MANSC1: variants seen among roughly 807,000 people sequenced by gnomAD.
The protein encoded by MANSC1 is MANSC domain containing 1.
Under a neutral mutation model 14.1 loss-of-function variants are expected in MANSC1, and 13 were observed. The observed-to-expected ratio is 0.92, with a 90% confidence interval of 0.60 to 1.46. The LOEUF (loss-of-function observed/expected upper bound fraction) is 1.46. Among genes scored for constraint, MANSC1 ranks in the 40% most tolerant of loss-of-function variants. The pLI, the probability that MANSC1 is intolerant of heterozygous loss-of-function variation, is 0.00. For synonymous variants in MANSC1, 227 were observed against 200.7 expected, an observed-to-expected ratio of 1.13 and a Z score of -1.11; for missense variants, 486 against 511.4, an observed-to-expected ratio of 0.95 and a Z score of 0.48.
intron 3 of MANSC1, among the ~76,000 whole-genome samples, chr12:12,337,492 C>T (rs1194573651): frequency 1.4e-5 from 2 of 141,648 alleles, no homozygotes; most frequent in East Asian, 2.2e-4. Flanking sequence ...ACCCGGGAGG[C>T]GGAGCTTGCA....
intron 3 of MANSC1, among the ~76,000 whole-genome samples, chr12:12,335,347 T>TTC (rs1371245701): frequency 6.6e-6 from 1 of 151,506 alleles, no homozygotes; most frequent in Non-Finnish European, 1.5e-5. Context: ...ACCTTTTTTT[T>TTC]TTCTTCTCCC....
intron 3 of MANSC1, among the ~76,000 whole-genome samples, chr12:12,334,493 A>C (rs1862832362): frequency 6.6e-6 from 1 of 152,150 alleles, no homozygotes; most frequent in Non-Finnish European, 1.5e-5. Context: ...TGTAGATATA[A>C]ACAGTCCTTT....
Position 12,330,203 on chromosome 12 carries a change from C to T in MANSC1, c.1120G>A (p.Glu374Lys). Residue 374 changes from glutamate to lysine, a missense_variant, in exon 4 of 4, where the codon GAA (glutamate) becomes AAA (lysine). Coordinates refer to ENST00000535902, the MANE Select transcript of MANSC1 (RefSeq NM_018050.4). ...TCAAATGGAAGGCCGTACTGATTTT[C>T]TGGAACACTGCCCTGGGAGGAACTG... ...PGSSSQGSVP[E>K]NQYGLPFEKW... 1 of 1,614,194 alleles carries T rather than the reference C, an allele frequency of 6.2e-7. No homozygotes were observed. Among genetic ancestry groups the T allele is most frequent in the East Asian group, 2.2e-5 (1 of 44,888 alleles).
At chr12:12,339,239 C>T (rs1862902835) in intron 2 of MANSC1, 1 of 153,952 alleles carries the variant, frequency 6.5e-6, no homozygotes, top group Non-Finnish European at 1.4e-5. Flanking sequence ...ATGTTGCCTA[C>T]AAAACTGGGA....
chr12:12,339,428 G>A (rs757944131), intron 2 of MANSC1, among the ~76,000 whole-genome samples: 2 of 151,998 alleles, frequency 1.3e-5, no homozygotes, highest in African/African-American at 2.4e-5. Flanking sequence ...CACCACACTC[G>A]GATTTTTTTT....
intron 2 of MANSC1, among the ~76,000 whole-genome samples, chr12:12,341,167 T>G (rs1333709589): frequency 6.6e-6 from 1 of 152,202 alleles, no homozygotes. Flanking sequence ...CGGCTACTGC[T>G]AATTCAGGGA....
intron 2 of MANSC1, among the ~76,000 whole-genome samples, chr12:12,341,131 C>T (rs559169014): frequency 6.6e-6 from 1 of 152,266 alleles, no homozygotes; most frequent in East Asian, 1.9e-4. Context: ...ATCAGGTCTC[C>T]AGGTCACCCA....
intron 2 of MANSC1, among the ~76,000 whole-genome samples, chr12:12,341,259 C>T (rs1862928872): frequency 6.6e-6 from 1 of 152,196 alleles, no homozygotes; most frequent in African/African-American, 2.4e-5. Flanking sequence ...TTTACTATTA[C>T]AGTTTATAAT....
In MANSC1 at chr12:12,327,112, G is replaced by A. The variant is rs1435820481; in HGVS notation, c.*2915C>T. 1 of 152,432 alleles carries A rather than the reference G, an allele frequency of 6.6e-6. No individual in the cohort carries two copies. Among genetic ancestry groups the A allele is most frequent in the African/African-American group, 2.4e-5 (1 of 41,452 alleles). 9.4% of individuals were successfully genotyped at this position (152,432 alleles called of 1,614,324 possible). A position where few individuals can be genotyped will look rare whatever the true frequency, so the allele number is the denominator to read the frequency against. On this transcript the variant is annotated 3_prime_UTR_variant, in exon 4 of 4. Coordinates refer to ENST00000535902, the MANE Select transcript of MANSC1 (RefSeq NM_018050.4). ...GGCGTGAGCCACCACGCCTGGCCAA[G>A]AGTAGCTTTTTAACCTAGGTCAGTA... is the stretch of plus-strand genomic sequence containing the variant.
intron 1 of MANSC1, among the ~76,000 whole-genome samples, 155 bp from the exon 2 acceptor site, chr12:12,343,569 GACA>G (rs1323140029): frequency 6.6e-6 from 1 of 152,156 alleles, no homozygotes; most frequent in Admixed American, 6.5e-5. Context: ...GTAAATTTAA[GACA>G]ACTTTTCATT....
Position 12,327,115 on chromosome 12 carries a change from T to C in MANSC1, c.*2912A>G, listed in dbSNP as rs11054812. The C allele has an allele frequency of 0.13, 19,645 of 152,182 alleles. 1,415 individuals carry two copies. The highest frequency in any genetic ancestry group is 0.24 in the East Asian group (1,235 of 5,146). 9.4% of individuals were successfully genotyped at this position (152,182 alleles called of 1,614,324 possible). A position where few individuals can be genotyped will look rare whatever the true frequency, so the allele number is the denominator to read the frequency against. ...GTGAGCCACCACGCCTGGCCAAGAGTAGCTTTTTAACCTAGGTCAGTATCG... is the reference window on the plus strand; with the variant it reads ...GTGAGCCACCACGCCTGGCCAAGAGCAGCTTTTTAACCTAGGTCAGTATCG... On this transcript the variant is annotated 3_prime_UTR_variant, in exon 4 of 4. Transcript: ENST00000535902.
chr12:12,338,731 G>A, intron 2 of MANSC1, 171 bp from the exon 3 acceptor site: 1 of 643,922 alleles, frequency 1.6e-6, no homozygotes, highest in South Asian at 2.2e-5. Flanking sequence ...AGTTGCTTAA[G>A]GCAATTTTAA....
In MANSC1 at chr12:12,344,000, C is replaced by A. The variant is rs945576176; in HGVS notation, c.-100-586G>T. 2.6e-5 allele frequency among the ~76,000 whole-genome samples: 4 copies of A among 151,816 alleles called. No homozygotes were observed. In the East Asian group the frequency reaches 5.8e-4, roughly 22 times the overall value. On this transcript the variant is annotated intron_variant, in intron 1 of 3. Coordinates refer to ENST00000535902, the MANE Select transcript of MANSC1 (RefSeq NM_018050.4). The stretch of plus-strand genomic sequence containing the variant: ...TGGTGGCGCATGCCTGTGGTCCCAG[C>A]GACTTGGGAGGCTGAGGTGGGAGGA...
At position 12,338,402 on chromosome 12, in the gene MANSC1, G is replaced by C. The variant is rs754513459; in HGVS notation, c.364+18C>G. The C allele has an allele frequency of 6.4e-7, 1 of 1,567,106 alleles. No individual in the cohort carries two copies. Among genetic ancestry groups the C allele is most frequent in the Non-Finnish European group, 8.6e-7 (1 of 1,161,852 alleles). ...AATTATTCCAATCACAAAAGAAAAA[G>C]TATAATGCTTTCATTACCTGTAATT... On this transcript the variant is annotated intron_variant, in intron 3 of 3. Coordinates refer to ENST00000535902, the MANE Select transcript of MANSC1 (RefSeq NM_018050.4).
chr12:12,329,504 G>A lies in MANSC1; in HGVS notation c.*523C>T, dbSNP rs540367676. 2 of 153,116 alleles carry A rather than the reference G, an allele frequency of 1.3e-5. No homozygotes were observed. Among genetic ancestry groups the A allele is most frequent in the East Asian group, 3.8e-4 (2 of 5,196 alleles). 9.5% of individuals were successfully genotyped at this position (153,116 alleles called of 1,614,324 possible). A position where few individuals can be genotyped will look rare whatever the true frequency, so the allele number is the denominator to read the frequency against. ...ATTATACTTTATTACTTTACATAGA[G>A]CTTTGTTTTTAGCTAATATTTTAGA... On this transcript the variant is annotated 3_prime_UTR_variant, in exon 4 of 4. Transcript: ENST00000535902.
rs1161167581 is a variant in MANSC1, at chr12:12,350,122, G to A, written c.-145C>T. On this transcript the variant is annotated 5_prime_UTR_variant, in exon 1 of 4. Coordinates refer to ENST00000535902, the MANE Select transcript of MANSC1 (RefSeq NM_018050.4). ...GGCGCCCCTGCTGCCATCCAGGTGC[G>A]AGGACAGCTCTGTCGCGCCCGCGGG... 6.6e-6 allele frequency: 1 copy of A among 152,312 alleles called. No homozygotes were observed. The highest frequency in any genetic ancestry group is 1.5e-5 in the Non-Finnish European group (1 of 68,138). 9.4% of individuals were successfully genotyped at this position (152,312 alleles called of 1,614,324 possible).
At position 12,338,790 on chromosome 12, in the gene MANSC1, G is replaced by A. The variant is rs78298271; in HGVS notation, c.224-230C>T. The A allele has an allele frequency of 5.1e-3, 2,919 of 570,288 alleles. 17 individuals carry two copies. The highest frequency in any genetic ancestry group is 7.6e-3 in the Non-Finnish European group (2,428 of 321,466). 35.3% of individuals were successfully genotyped at this position (570,288 alleles called of 1,614,324 possible). The stretch of plus-strand genomic sequence containing the variant: ...TTTTTCACAAGGTGGCACCGAAGGC[G>A]AAGAAGGAAGCTCCTGTCCCTCCTA... On this transcript the variant is annotated intron_variant, in intron 2 of 3. Transcript: ENST00000535902.
chr12:12,338,694 G>A (rs112530374), intron 2 of MANSC1, 134 bp from the exon 3 acceptor site: 19 of 786,638 alleles, frequency 2.4e-5, no homozygotes, highest in African/African-American at 1.4e-4. Context: ...CTTGCTGACC[G>A]CTGAATCATT....
chr12:12,335,160 C>T (rs2135990620), intron 3 of MANSC1, among the ~76,000 whole-genome samples: 1 of 152,196 alleles, frequency 6.6e-6, no homozygotes, highest in South Asian at 2.1e-4. Context: ...CCAGCAAGTC[C>T]TGTCAACTCT....
Sources: allele counts gnomAD v4.1 joint callset (sites outside exome capture counted in the v4.1 genomes callset), GRCh38; gene constraint gnomAD v4.1.1; transcripts MANE v1.5; gene names NCBI Gene and HGNC (gene_info 2026-07-23, HGNC 2026-07-21).